Variants in FADS3 observed in about 807,000 individuals in gnomAD.
FADS3 encodes cytochrome b5-related protein.
Under a neutral mutation model 60.4 loss-of-function variants are expected in FADS3, and 30 were observed. That is an observed-to-expected ratio of 0.50 (90% confidence interval 0.37 to 0.67). FADS3 has a LOEUF of 0.67. FADS3 is among the 30% of genes least tolerant of loss of function. FADS3 has a pLI of 0.00. For synonymous variants in FADS3, 234 were observed against 249.3 expected (o/e 0.94, Z 0.58); for missense variants, 432 against 598.3 (o/e 0.72, Z 2.90).
chr11:61,875,210 T>G (rs1262227000), intron 11 of FADS3, among the ~76,000 whole-genome samples: 1 of 152,064 alleles, frequency 6.6e-6, no homozygotes, highest in Non-Finnish European at 1.5e-5. Context: ...GAGACATGGT[T>G]TTTTTGTTTG....
At position 61,873,740 on chromosome 11, in the gene FADS3, G is replaced by T; in HGVS notation, c.*74C>A. 9.3e-7 allele frequency: 1 copy of T among 1,072,188 alleles called. No homozygotes were observed. Among genetic ancestry groups the T allele is most frequent in the South Asian group, 1.3e-5 (1 of 75,340 alleles). 66.4% of individuals were successfully genotyped at this position (1,072,188 alleles called of 1,614,324 possible). A position where few individuals can be genotyped will look rare whatever the true frequency, so the allele number is the denominator to read the frequency against. On this transcript the variant is annotated 3_prime_UTR_variant, in exon 12 of 12. Transcript: ENST00000278829. Reference sequence around the variant, plus strand: ...CCCAGGCTGGCCAGTGGAGGGGTGAGGGTATCGATCCCGCCGGGGGCTGGC... The same window carrying T: ...CCCAGGCTGGCCAGTGGAGGGGTGATGGTATCGATCCCGCCGGGGGCTGGC...
At position 61,876,766 on chromosome 11, in the gene FADS3, A is replaced by G; in HGVS notation, c.983+100T>C. 2.1e-6 allele frequency: 2 copies of G among 952,948 alleles called. No individual in the cohort carries two copies. The highest frequency in any genetic ancestry group is 1.6e-5 in the African/African-American group (1 of 61,820). 59.0% of individuals were successfully genotyped at this position (952,948 alleles called of 1,614,324 possible). A position where few individuals can be genotyped will look rare whatever the true frequency, so the allele number is the denominator to read the frequency against. On this transcript the variant is annotated intron_variant, in intron 8 of 11. Transcript: ENST00000278829. This position sits in a 1 kb window ranked among gnomAD's most constrained non-coding sequence, Gnocchi z 5.7. ...ACCAGCAAGCCAGGGAGGCAGTACC[A>G]CTGGCCCCATTCTGCAGACGGGAAA...
chr11:61,874,950 A>G (rs1937813104), intron 11 of FADS3, among the ~76,000 whole-genome samples: 1 of 152,212 alleles, frequency 6.6e-6, no homozygotes, highest in Admixed American at 6.5e-5. Context: ...CCAAGAGGGC[A>G]GGAAGCTCTC....
At position 61,875,904 on chromosome 11, in the gene FADS3, G is replaced by T. The variant is rs745914744; in HGVS notation, c.1233C>A (p.His411Gln). Residue 411 changes from histidine to glutamine, a missense_variant, in exon 11 of 12, where the codon CAC becomes CAA. His to Gln is a conservative substitution (Grantham distance 24). This residue lies in a region of FADS3 where 63 missense variants were observed against 64.5 expected (regional missense o/e 0.98). Coordinates refer to ENST00000278829, the MANE Select transcript of FADS3 (RefSeq NM_021727.5). ...APLVKSLCAK[H>Q]GLSYEVKPFL... Reference sequence around the variant, plus strand: ...AGGGCTTCACTTCGTAGCTGAGGCCGTGCTTGGCACACAGCGACTTGACCA... The same window carrying T: ...AGGGCTTCACTTCGTAGCTGAGGCCTTGCTTGGCACACAGCGACTTGACCA... 6.2e-7 allele frequency: 1 copy of T among 1,613,698 alleles called. No individual in the cohort carries two copies. Among genetic ancestry groups the T allele is most frequent in the African/African-American group, 1.3e-5 (1 of 74,946 alleles).
In FADS3 at chr11:61,873,729, T is replaced by G; in HGVS notation, c.*85A>C. 3.3e-6 allele frequency: 3 copies of G among 921,486 alleles called. No individual in the cohort carries two copies. Among genetic ancestry groups the G allele is most frequent in the Non-Finnish European group, 5.2e-6 (3 of 571,922 alleles). The allele number at this position is 921,486 out of a possible 1,614,324, so 57.1% of individuals were successfully genotyped here. A position where few individuals can be genotyped will look rare whatever the true frequency, so the allele number is the denominator to read the frequency against. The stretch of plus-strand genomic sequence containing the variant: ...GGCAGGGCACCCCCAGGCTGGCCAG[T>G]GGAGGGGTGAGGGTATCGATCCCGC... On this transcript the variant is annotated 3_prime_UTR_variant, in exon 12 of 12. Transcript: ENST00000278829.
chr11:61,883,493 A>C (rs11823422), intron 1 of FADS3, among the ~76,000 whole-genome samples: 3,598 of 152,314 alleles, frequency 0.024, 140 homozygotes, highest in African/African-American at 0.078. Flanking sequence ...ACCAGCAGGC[A>C]TCACTCAGAC....
In FADS3 at chr11:61,873,584, A is replaced by T. The variant is rs1291619574; in HGVS notation, c.*230T>A. On this transcript the variant is annotated 3_prime_UTR_variant, in exon 12 of 12. Transcript: ENST00000278829. ...GCTTTCCCCCAATTCTCGCTCTAGG[A>T]AAATGTGCTATGCTCACCTTCCCTC... The T allele has an allele frequency of 3.5e-6, 2 of 569,656 alleles. No individual in the cohort carries two copies. Among genetic ancestry groups the T allele is most frequent in the Non-Finnish European group, 6.2e-6 (2 of 321,284 alleles). The allele number at this position is 569,656 out of a possible 1,614,324, so 35.3% of individuals were successfully genotyped here.
chr11:61,882,100 T>TG (rs1252627529), intron 1 of FADS3: 6 of 8,952 alleles, frequency 6.7e-4, no homozygotes, highest in African/African-American at 2.1e-3. Flanking sequence ...CACTGGGTGT[T>TG]TTTTTTTTTT....
intron 1 of FADS3, among the ~76,000 whole-genome samples, chr11:61,885,080 T>A (rs551735119): frequency 6.6e-6 from 1 of 152,124 alleles, no homozygotes; most frequent in South Asian, 2.1e-4. Flanking sequence ...AGAGCTGGGA[T>A]TCGAACCCGG....
intron 5 of FADS3, 66 bp downstream of exon 5, chr11:61,878,446 C>T (rs1937995067): frequency 6.3e-7 from 1 of 1,581,066 alleles, no homozygotes; most frequent in Non-Finnish European, 8.6e-7. Context: ...GAGTGGGGAC[C>T]CAGTGCATTA....
chr11:61,875,805 G>A (rs754587785), intron 11 of FADS3, 46 bp downstream of exon 11: 5 of 1,598,160 alleles, frequency 3.1e-6, no homozygotes, highest in African/African-American at 1.3e-5. Context: ...GTAGGCATAG[G>A]CCCTGGGGAA....
intron 1 of FADS3, among the ~76,000 whole-genome samples, chr11:61,884,527 G>A (rs1014918152): frequency 6.6e-6 from 1 of 152,226 alleles, no homozygotes; most frequent in Non-Finnish European, 1.5e-5. Flanking sequence ...GGAACAGAGG[G>A]GAAGCAGCAG....
rs765649052 is a variant in FADS3, at chr11:61,876,940, G to A, written c.909C>T (p.Phe303=). The change falls in exon 8 of 12, where the codon TTC becomes TTT. Residue 303 remains phenylalanine (F), a synonymous_variant. Coordinates refer to ENST00000278829, the MANE Select transcript of FADS3 (RefSeq NM_021727.5). The surrounding 1 kb of genome is among the most constrained non-coding windows in gnomAD (Gnocchi z 5.7). ...GGTAGGATAAGAAGAAGCGGGCATA[G>A]AAGCTGGCGGCCCAGAGCAAATCCT... ...QWADLLWAAS[F]YARFFLSYLP... is the part of the protein sequence containing the mutation. 6.2e-7 allele frequency: 1 copy of A among 1,606,224 alleles called. No homozygotes were observed. The highest frequency in any genetic ancestry group is 8.5e-7 in the Non-Finnish European group (1 of 1,177,306).
chr11:61,887,624 G>A (rs1021899606), intron 1 of FADS3, among the ~76,000 whole-genome samples: 13 of 152,166 alleles, frequency 8.5e-5, no homozygotes, highest in African/African-American at 3.1e-4. Flanking sequence ...AACACAGGAC[G>A]CACGGTCCCA....
Position 61,876,976 on chromosome 11 carries a change from G to T in FADS3, c.886-13C>A. ...CCCAGAGCAAATCCTGCAGAGGAGG[G>T]CAGAGGCGATACCGAGAGGTCTCCA... On this transcript the variant is annotated splice_polypyrimidine_tract_variant and intron_variant, in intron 7 of 11. Transcript: ENST00000278829. The surrounding 1 kb of genome is among the most constrained non-coding windows in gnomAD (Gnocchi z 5.7). The T allele has an allele frequency of 6.3e-7, 1 of 1,576,004 alleles. No individual in the cohort carries two copies. Among genetic ancestry groups the T allele is most frequent in the Non-Finnish European group, 8.6e-7 (1 of 1,159,884 alleles).
At chr11:61,883,808 G>A (rs1938218751) in intron 1 of FADS3, among the ~76,000 whole-genome samples, 1 of 151,796 alleles carries the variant, frequency 6.6e-6, no homozygotes, top group African/African-American at 2.4e-5. Flanking sequence ...ACAGAACCAA[G>A]CCTGCCCCAG....
intron 11 of FADS3, among the ~76,000 whole-genome samples, chr11:61,874,131 G>T (rs1466377650): frequency 6.6e-6 from 1 of 152,222 alleles, no homozygotes; most frequent in Non-Finnish European, 1.5e-5. Context: ...CATGAGCCTG[G>T]GTGGGCCTGT....
chr11:61,879,993 C>T, intron 2 of FADS3, 48 bp downstream of exon 2: 1 of 1,481,192 alleles, frequency 6.8e-7, no homozygotes, highest in Non-Finnish European at 9.4e-7. Context: ...AGCCCTCCAG[C>T]CATCCCCCTC....
At position 61,876,433 on chromosome 11, in the gene FADS3, C is replaced by T. The variant is rs765137934; in HGVS notation, c.1006G>A (p.Val336Met). The T allele has an allele frequency of 9.9e-6, 16 of 1,613,526 alleles. No individual in the cohort carries two copies. Among genetic ancestry groups the T allele is most frequent in the Admixed American group, 1.7e-5 (1 of 60,026 alleles). The change falls in exon 9 of 12, where the codon GTG (valine) becomes ATG (methionine). Residue 336 changes from valine to methionine, a missense_variant. By Grantham distance (21) the Val-to-Met change is conservative. Around this residue, in one of 5 missense-constraint regions of FADS3, gnomAD observed 48 missense variants for 101.3 expected, o/e 0.47. Coordinates refer to ENST00000278829, the MANE Select transcript of FADS3 (RefSeq NM_021727.5). This position sits in a 1 kb window ranked among gnomAD's most constrained non-coding sequence, Gnocchi z 5.7. ...ATGTGGTTCATCTGTGTGATCCACA[C>T]GAACCAGTGGCTTTCCAGGACCCTG... ...AVRVLESHWF[V>M]WITQMNHIPK...
Sources: allele counts gnomAD v4.1 joint callset (sites outside exome capture counted in the v4.1 genomes callset), GRCh38; gene constraint gnomAD v4.1.1; regional missense constraint gnomAD v4.1.1; non-coding constraint Gnocchi (gnomAD v3.1); transcripts MANE v1.5; gene names NCBI Gene and HGNC (gene_info 2026-07-23, HGNC 2026-07-21).